Variants in CHD9 observed in about 807,000 individuals in gnomAD.
CHD9 encodes ATP-dependent chromatin remodeler CHD9.
Under a neutral mutation model 316.1 loss-of-function variants are expected in CHD9, and 77 were observed. The observed-to-expected ratio is 0.24, with a 90% CI of 0.20 to 0.29. The LOEUF is 0.29. CHD9 is among the 10% of genes least tolerant of loss of function. The pLI is 1.00. For missense variants in CHD9, 2,763 were observed against 3,438.1 expected (o/e 0.80, Z 4.91); for synonymous variants, 1,129 against 1,158.3 (o/e 0.97, Z 0.51).
At chr16:53,188,801 T>A (rs535348921) in intron 2 of CHD9, among the ~76,000 whole-genome samples, 102 of 151,842 alleles carry the variant, frequency 6.7e-4, no homozygotes, top group African/African-American at 2.5e-3. Context: ...GCAAGGCTGG[T>A]GTCAAACTCT....
chr16:53,266,148 A>C (rs2051664839), intron 20 of CHD9, among the ~76,000 whole-genome samples: 1 of 152,006 alleles, frequency 6.6e-6, no homozygotes, highest in Non-Finnish European at 1.5e-5. Context: ...TTCTAAAATT[A>C]GTGGGTAAAA....
intron 2 of CHD9, among the ~76,000 whole-genome samples, chr16:53,180,315 G>A (rs1217067616): frequency 6.6e-6 from 1 of 152,026 alleles, no homozygotes; most frequent in Non-Finnish European, 1.5e-5. Context: ...CCTTACCTTT[G>A]TTTTAATGTG....
At chr16:53,175,881 G>T (rs1245155312) in intron 2 of CHD9, among the ~76,000 whole-genome samples, 1 of 152,140 alleles carries the variant, frequency 6.6e-6, no homozygotes, top group African/African-American at 2.4e-5. Flanking sequence ...GCATAGGATG[G>T]TTAAATGGCT....
intron 36 of CHD9, 88 bp downstream of exon 36, chr16:53,315,132 T>G (rs1567679184): frequency 1.1e-6 from 1 of 889,274 alleles, no homozygotes; most frequent in African/African-American, 1.7e-5. Context: ...CATCCACTTA[T>G]GCTAAATATG....
chr16:53,267,372 T>G lies in CHD9; in HGVS notation c.4399T>G (p.Leu1467Val). 6.2e-7 allele frequency: 1 copy of G among 1,612,960 alleles called. No individual in the cohort carries two copies. The highest frequency in any genetic ancestry group is 8.5e-7 in the Non-Finnish European group (1 of 1,179,302). ...TGCCACAAAAGATGAATTGGCTGAA[T>G]TATCTGAAGCTGAAAGTGAAGGAGA... ...FSATKDELAELSEAESEGDEK... is the reference protein window; with the variant it reads ...FSATKDELAEVSEAESEGDEK... The change falls in exon 21 of 39, where the codon TTA becomes GTA. Residue 1467 changes from leucine to valine, a missense_variant. Around this residue, in one of 15 missense-constraint regions of CHD9, gnomAD observed 199 missense variants for 251.7 expected, o/e 0.79. Coordinates refer to ENST00000447540, the MANE Select transcript of CHD9 (RefSeq NM_001308319.2).
In CHD9 at chr16:53,150,816, A is replaced by C. The variant is rs1026889895; in HGVS notation, c.-164-5110A>C. On this transcript the variant is annotated intron_variant, in intron 1 of 38. Coordinates refer to ENST00000447540, the MANE Select transcript of CHD9 (RefSeq NM_001308319.2). ...TTTCATGTCAGCACCTCTGGCCTTC[A>C]TGGTTTCTGATGAGAAATCCACTTG... Among the ~76,000 whole-genome samples, 5 of 152,116 alleles carry C rather than the reference A, an allele frequency of 3.3e-5. No homozygotes were observed. In the East Asian group the frequency reaches 5.8e-4, roughly 18 times the overall value.
intron 1 of CHD9, among the ~76,000 whole-genome samples, chr16:53,068,448 A>T (rs1012051250): frequency 6.6e-6 from 1 of 152,112 alleles, no homozygotes; most frequent in African/African-American, 2.4e-5. Context: ...TCAGTCACAC[A>T]GTACTTCAGC....
rs750175739 is a variant in CHD9 at position 53,304,168 on chromosome 16, G to C, written c.6162G>C (p.Glu2054Asp). Reference sequence around the variant, plus strand: ...AAGTTAAAAGTGAAAACCTTAAAGAGGAGCCTCAGTCTTCTGAAGAAGAAT... The same window carrying C: ...AAGTTAAAAGTGAAAACCTTAAAGACGAGCCTCAGTCTTCTGAAGAAGAAT... Reference protein sequence around the residue: ...EMKVKSENLKEEPQSSEEESM... With the variant: ...EMKVKSENLKDEPQSSEEESM... Residue 2054 changes from glutamate to aspartate, a missense_variant, in exon 31 of 39, where the codon GAG (glutamate) becomes GAC (aspartate). Glu to Asp is a conservative substitution (Grantham distance 45, BLOSUM62 2). Around this residue, in one of 15 missense-constraint regions of CHD9, gnomAD observed 663 missense variants for 751.2 expected, o/e 0.88. Transcript: ENST00000447540. 6.2e-7 allele frequency: 1 copy of C among 1,612,502 alleles called. No individual in the cohort carries two copies. The highest frequency in any genetic ancestry group is 1.1e-5 in the South Asian group (1 of 90,928).
At chr16:53,301,355 C>G (rs2055397094) in intron 30 of CHD9, among the ~76,000 whole-genome samples, 2 of 152,132 alleles carry the variant, frequency 1.3e-5, no homozygotes. Context: ...TTTACAGTGT[C>G]CTTAATGTCT....
chr16:53,211,636 A>G (rs2046341826), intron 3 of CHD9, among the ~76,000 whole-genome samples: 1 of 152,162 alleles, frequency 6.6e-6, no homozygotes, highest in African/African-American at 2.4e-5. Context: ...TCGCAGGCAG[A>G]TAAGTGAATT....
intron 7 of CHD9, among the ~76,000 whole-genome samples, chr16:53,228,488 C>A (rs2047852637): frequency 6.7e-6 from 1 of 150,250 alleles, no homozygotes; most frequent in African/African-American, 2.5e-5. Context: ...AAATCACTTA[C>A]TCTTCTTTTT....
chr16:53,318,143 A>C (rs1359284708), intron 36 of CHD9, 69 bp from the exon 37 acceptor site: 35 of 1,292,310 alleles, frequency 2.7e-5, no homozygotes, highest in Non-Finnish European at 3.2e-5. Flanking sequence ...GGATCAGCTC[A>C]TTTTAATATT....
rs374646633 is a variant in CHD9, at chr16:53,197,823, A to G, written c.1453-11659A>G. On this transcript the variant is annotated intron_variant, in intron 2 of 38. Transcript: ENST00000447540. ...CAGGCGTGCACCACCACACCCAGCT[A>G]ATGTTTATATTTTTAGTAGACACGG... 8.6e-5 allele frequency among the ~76,000 whole-genome samples: 13 copies of G among 151,924 alleles called. No homozygotes were observed. The South Asian group carries it at 2.7e-3, about 32-fold the overall frequency.
chr16:53,277,046 C>A (rs755532901), intron 24 of CHD9, among the ~76,000 whole-genome samples: 8 of 152,014 alleles, frequency 5.3e-5, no homozygotes, highest in Non-Finnish European at 2.9e-5. Context: ...ACCATCCTAG[C>A]TTAAATCAGG....
chr16:53,185,914 A>G (rs1317033362), intron 2 of CHD9, among the ~76,000 whole-genome samples: 30 of 152,254 alleles, frequency 2.0e-4, no homozygotes, highest in Admixed American at 2.0e-3. Context: ...TTTAGAAGAT[A>G]CATGGAAAGG....
At position 53,304,414 on chromosome 16, in the gene CHD9, A is replaced by T; in HGVS notation, c.6408A>T (p.Ser2136=). The change falls in exon 31 of 39, where the codon TCA becomes TCT. Residue 2136 remains serine, a synonymous_variant. Transcript: ENST00000447540. The stretch of plus-strand genomic sequence containing the variant: ...CAGAATCTAGTTCTGATTCTGACTC[A>T]GATTCTGAGAGATCATCTTGTTCTT... ...RGSESSSDSD[S]DSERSSCSSR... is the part of the protein sequence containing the mutation. The T allele has an allele frequency of 6.2e-7, 1 of 1,605,044 alleles. No individual in the cohort carries two copies. The highest frequency in any genetic ancestry group is 8.5e-7 in the Non-Finnish European group (1 of 1,175,662).
At position 53,273,777 on chromosome 16, in the gene CHD9, C is replaced by A; in HGVS notation, c.4869C>A (p.His1623Gln). The change falls in exon 23 of 39, where the codon CAC becomes CAA. Residue 1623 changes from histidine to glutamine, a missense_variant. His to Gln is a conservative substitution (Grantham distance 24). Transcript: ENST00000447540. ...DEGYKKHIKH[H>Q]CNKVLLRVRM... is the part of the protein sequence containing the mutation. ...GCTACAAAAAACATATAAAACACCA[C>A]TGTAATAAGTAGGTATAGGGTATTT... The A allele has an allele frequency of 6.2e-7, 1 of 1,610,652 alleles. No individual in the cohort carries two copies. Among genetic ancestry groups the A allele is most frequent in the Non-Finnish European group, 8.5e-7 (1 of 1,177,874 alleles).
chr16:53,314,811 G>A lies in CHD9; in HGVS notation c.7363-12G>A, dbSNP rs368622026. The A allele has an allele frequency of 6.4e-6, 10 of 1,562,484 alleles. No homozygotes were observed. In the African/African-American group the frequency reaches 1.1e-4, roughly 17 times the overall value. On this transcript the variant is annotated splice_polypyrimidine_tract_variant and intron_variant, in intron 35 of 38. Transcript: ENST00000447540. ...TATGAAAATAAAGATACCATTTGGT[G>A]TTTTTTTACAGGTTTCTTTAGGCTT...
chr16:53,120,270 C>T (rs1027429986), intron 1 of CHD9, among the ~76,000 whole-genome samples: 2 of 151,910 alleles, frequency 1.3e-5, no homozygotes, highest in African/African-American at 2.4e-5. Context: ...TAAAAAATTG[C>T]ACTAGGATGG....
Sources: allele counts gnomAD v4.1 joint callset (sites outside exome capture counted in the v4.1 genomes callset), GRCh38; gene constraint gnomAD v4.1.1; regional missense constraint gnomAD v4.1.1; transcripts MANE v1.5; gene names NCBI Gene and HGNC (gene_info 2026-07-23, HGNC 2026-07-21).